Variants in FHIT observed in about 807,000 individuals in gnomAD.
FHIT encodes the protein bis(5'-adenosyl)-triphosphatase.
In FHIT, 19 loss-of-function variants were observed where a neutral mutation model predicts 17.9. The ratio of observed to expected loss-of-function variants is 1.06; its 90% CI spans 0.74 to 1.56. FHIT has a LOEUF of 1.56. Among genes scored for constraint, FHIT ranks in the 40% most tolerant of loss-of-function variants. The pLI, the probability that FHIT is intolerant of heterozygous loss-of-function variation, is 0.00. For missense variants in FHIT, 248 were observed against 189.2 expected, an observed-to-expected ratio of 1.31 and a Z score of -1.82; for synonymous variants, 81 against 69.7, an observed-to-expected ratio of 1.16 and a Z score of -0.81.
intron 2 of FHIT, among the ~76,000 whole-genome samples, chr3:61,146,958 A>G (rs1226691403): frequency 6.6e-6 from 1 of 152,014 alleles, no homozygotes; most frequent in Non-Finnish European, 1.5e-5. Flanking sequence ...CTCATGGGTG[A>G]TATCTTTATG....
chr3:61,200,798 T>A (rs928738470), intron 1 of FHIT, 133 bp from the exon 2 acceptor site: 2 of 152,334 alleles, frequency 1.3e-5, no homozygotes, highest in Non-Finnish European at 2.9e-5. Flanking sequence ...TGATAAAACT[T>A]GTGCCTCATA....
intron 8 of FHIT, among the ~76,000 whole-genome samples, chr3:59,758,707 ATCATG>A (rs1284708514): frequency 6.6e-6 from 1 of 152,148 alleles, no homozygotes; most frequent in East Asian, 1.9e-4. Flanking sequence ...TTTATGACAA[ATCATG>A]TCAAGTCTCC....
At chr3:61,082,043 G>A (rs570561978) in intron 2 of FHIT, among the ~76,000 whole-genome samples, 31 of 151,680 alleles carry the variant, frequency 2.0e-4, no homozygotes, top group Middle Eastern at 6.8e-3. Context: ...GCTTCCTTTA[G>A]GAAGCTCCCC....
At chr3:59,921,358 C>T in intron 8 of FHIT, among the ~76,000 whole-genome samples, 1 of 152,166 alleles carries the variant, frequency 6.6e-6, no homozygotes, top group Non-Finnish European at 1.5e-5. Flanking sequence ...TAGAGATAAT[C>T]ATGTGGTTTA....
chr3:60,107,089 C>T (rs1236964968), intron 5 of FHIT, among the ~76,000 whole-genome samples: 1 of 149,400 alleles, frequency 6.7e-6, no homozygotes, highest in Non-Finnish European at 1.5e-5. Context: ...AATCTGGGCA[C>T]TATTTTCCTA....
chr3:61,165,898 T>A (rs192045261), intron 2 of FHIT: 1 of 152,118 alleles, frequency 6.6e-6, no homozygotes, highest in East Asian at 1.9e-4. Context: ...ACTAATGAAA[T>A]AATAGCTGCT....
chr3:59,887,839 G>A (rs185173378), intron 8 of FHIT, among the ~76,000 whole-genome samples: 40 of 152,270 alleles, frequency 2.6e-4, no homozygotes, highest in African/African-American at 9.4e-4. Flanking sequence ...ACTTCTGATT[G>A]ATCGTCTTCA....
At chr3:60,218,387 A>C (rs1243709422) in intron 5 of FHIT, among the ~76,000 whole-genome samples, 1 of 152,200 alleles carries the variant, frequency 6.6e-6, no homozygotes, top group Non-Finnish European at 1.5e-5. Flanking sequence ...TTATAACAGG[A>C]TTGTACAGCT....
intron 4 of FHIT, among the ~76,000 whole-genome samples, chr3:60,724,893 C>T (rs1468160346): frequency 1.3e-5 from 2 of 152,096 alleles, no homozygotes; most frequent in Non-Finnish European, 2.9e-5. Context: ...AAGTGATCTT[C>T]CCGCCTCAGC....
intron 2 of FHIT, among the ~76,000 whole-genome samples, chr3:61,182,208 G>T (rs1397510724): frequency 6.6e-6 from 1 of 152,254 alleles, no homozygotes; most frequent in Admixed American, 6.5e-5. Context: ...TCCCCACCTT[G>T]ATCAATTAAA....
At chr3:60,917,496 T>C (rs1482177446) in intron 3 of FHIT, among the ~76,000 whole-genome samples, 1 of 152,234 alleles carries the variant, frequency 6.6e-6, no homozygotes, top group African/African-American at 2.4e-5. Flanking sequence ...AAATCTAAAA[T>C]CTTTGCCATG....
At chr3:59,826,555 C>T (rs1700985514) in intron 8 of FHIT, among the ~76,000 whole-genome samples, 1 of 152,218 alleles carries the variant, frequency 6.6e-6, no homozygotes, top group South Asian at 2.1e-4. Context: ...ATGTGTAAGG[C>T]TTCTTGGGGA....
At chr3:60,029,380 G>C (rs1320147516) in intron 5 of FHIT, among the ~76,000 whole-genome samples, 1 of 152,138 alleles carries the variant, frequency 6.6e-6, no homozygotes, top group Non-Finnish European at 1.5e-5. Context: ...TAGGTAACAG[G>C]CCACAAATTT....
intron 5 of FHIT, among the ~76,000 whole-genome samples, chr3:60,190,501 C>G (rs1702352142): frequency 6.6e-6 from 1 of 152,078 alleles, no homozygotes; most frequent in Admixed American, 6.5e-5. Flanking sequence ...GTAATCCCAG[C>G]ACTTTAGGAG....
chr3:60,814,455 G>A (rs1415721793), intron 4 of FHIT, among the ~76,000 whole-genome samples: 1 of 152,130 alleles, frequency 6.6e-6, no homozygotes, highest in Admixed American at 6.6e-5. Context: ...GAGAACATGT[G>A]GCATTTAGTT....
intron 5 of FHIT, among the ~76,000 whole-genome samples, chr3:60,453,564 T>C (rs1402781810): frequency 1.3e-5 from 2 of 152,170 alleles, no homozygotes; most frequent in African/African-American, 2.4e-5. Context: ...TAAAGGCAGC[T>C]ATGGGTCATG....
At chr3:59,799,279 T>C (rs1699900775) in intron 8 of FHIT, among the ~76,000 whole-genome samples, 1 of 152,150 alleles carries the variant, frequency 6.6e-6, no homozygotes, top group African/African-American at 2.4e-5. Flanking sequence ...TGAAAGACTT[T>C]GTTTGACCTC....
chr3:60,230,458 T>C (rs534180875), intron 5 of FHIT, among the ~76,000 whole-genome samples: 7 of 152,320 alleles, frequency 4.6e-5, no homozygotes, highest in Non-Finnish European at 1.0e-4. Flanking sequence ...CATATTGCTC[T>C]GGTGTAAAGA....
chr3:60,735,107 T>G (rs2042108492), intron 4 of FHIT, among the ~76,000 whole-genome samples: 1 of 152,266 alleles, frequency 6.6e-6, no homozygotes, highest in Non-Finnish European at 1.5e-5. Flanking sequence ...GAGAAAATTA[T>G]GTGGATTGGT....
Sources: allele counts gnomAD v4.1 joint callset (sites outside exome capture counted in the v4.1 genomes callset), GRCh38; gene constraint gnomAD v4.1.1; transcripts MANE v1.5; gene names NCBI Gene and HGNC (gene_info 2026-07-23, HGNC 2026-07-21).